The following LEPR variants were observed in gnomAD, a reference collection of about 807,000 sequenced individuals.
The protein encoded by LEPR is leptin receptor.
A neutral mutation model predicts 114.7 loss-of-function variants in LEPR; 56 were observed. The ratio of observed to expected loss-of-function variants is 0.49; its 90% CI spans 0.39 to 0.61. The LOEUF (loss-of-function observed/expected upper bound fraction) is 0.61, where lower values mean the gene tolerates loss of function less well. Among genes scored for constraint, LEPR ranks in the 20% least tolerant of loss-of-function variants. The pLI, the probability that LEPR is intolerant of heterozygous loss-of-function variation, is 0.00. For missense variants in LEPR, 1,202 were observed against 1,352.9 expected, an observed-to-expected ratio of 0.89 and a Z score of 1.75; for synonymous variants, 443 against 461.4, an observed-to-expected ratio of 0.96 and a Z score of 0.51.
rs1013193262 is a variant in LEPR at position 65,638,580 on chromosome 1, A to G, written c.*1565A>G. The G allele has an allele frequency of 6.6e-6, 1 of 152,210 alleles. No individual in the cohort carries two copies. Among genetic ancestry groups the G allele is most frequent in the Non-Finnish European group, 1.5e-5 (1 of 68,030 alleles). 9.4% of individuals were successfully genotyped at this position (152,210 alleles called of 1,614,324 possible). A position where few individuals can be genotyped will look rare whatever the true frequency, so the allele number is the denominator to read the frequency against. On this transcript the variant is annotated 3_prime_UTR_variant, in exon 20 of 20. Transcript: ENST00000349533. Reference sequence around the variant, plus strand: ...TTACTGTTATCCTAAATAAATCTCTACATTCCATCTCTAGTCCAGTTGTGG... The same window carrying G: ...TTACTGTTATCCTAAATAAATCTCTGCATTCCATCTCTAGTCCAGTTGTGG...
chr1:65,428,207 T>TTA (rs1159308157), intron 2 of LEPR, among the ~76,000 whole-genome samples: 1 of 152,206 alleles, frequency 6.6e-6, no homozygotes, highest in Non-Finnish European at 1.5e-5. Flanking sequence ...TATTTACATT[T>TTA]TATATATAAA....
At chr1:65,596,618 G>T (rs1656080873) in intron 7 of LEPR, 25 bp downstream of exon 7, 12 of 1,605,432 alleles carry the variant, frequency 7.5e-6, no homozygotes, top group Admixed American at 1.7e-5. Context: ...GTAAGTAAAA[G>T]GAAAAGTTGA....
At chr1:65,465,062 G>T (rs1263568907) in intron 2 of LEPR, among the ~76,000 whole-genome samples, 1 of 152,052 alleles carries the variant, frequency 6.6e-6, no homozygotes, top group African/African-American at 2.4e-5. Context: ...CTTGCCTTCT[G>T]CTAGCTTTTG....
At chr1:65,589,715 A>C (rs2100883800) in intron 5 of LEPR, among the ~76,000 whole-genome samples, 1 of 152,200 alleles carries the variant, frequency 6.6e-6, no homozygotes, top group Non-Finnish European at 1.5e-5. Context: ...GCCTTTGTAG[A>C]AAATCAGTTG....
At chr1:65,549,642 G>A (rs1406517246) in intron 2 of LEPR, among the ~76,000 whole-genome samples, 8 of 152,182 alleles carry the variant, frequency 5.3e-5, no homozygotes, top group East Asian at 1.9e-4. Flanking sequence ...CGTAGTTCTC[G>A]AGCCTTGGCT....
At chr1:65,525,433 C>T (rs1386661021) in intron 2 of LEPR, among the ~76,000 whole-genome samples, 1 of 152,124 alleles carries the variant, frequency 6.6e-6, no homozygotes, top group Non-Finnish European at 1.5e-5. Context: ...TCCTCCCTCC[C>T]CAGCGCCGGG....
intron 16 of LEPR, among the ~76,000 whole-genome samples, chr1:65,619,596 TG>T (rs1333993636): frequency 1.4e-4 from 21 of 152,182 alleles, no homozygotes; most frequent in Non-Finnish European, 2.4e-4. Flanking sequence ...TAGAACATAT[TG>T]CTCTGGAAAA....
rs1329717536 is a variant in LEPR, at chr1:65,638,821, C to G, written c.*1806C>G. 1 of 152,090 alleles carries G rather than the reference C, an allele frequency of 6.6e-6. No homozygotes were observed. Among genetic ancestry groups the G allele is most frequent in the African/African-American group, 2.4e-5 (1 of 41,408 alleles). The allele number at this position is 152,090 out of a possible 1,614,324, so 9.4% of individuals were successfully genotyped here. Reference sequence around the variant, plus strand: ...TAGCAACTCATTACTTGATGTGGTACGAGAGCCTTAGTTCTATGCAAAGAT... The same window carrying G: ...TAGCAACTCATTACTTGATGTGGTAGGAGAGCCTTAGTTCTATGCAAAGAT... On this transcript the variant is annotated 3_prime_UTR_variant, in exon 20 of 20. Coordinates refer to ENST00000349533, the MANE Select transcript of LEPR (RefSeq NM_002303.6).
At chr1:65,488,210 T>TTCTTTCTTTCTC (rs1557620199) in intron 2 of LEPR, among the ~76,000 whole-genome samples, 19 of 25,840 alleles carry the variant, frequency 7.4e-4, no homozygotes, top group Non-Finnish European at 1.3e-3. Context: ...CTTTCTTTCT[T>TTCTTTCTTTCTC]TCTCTCTCTC....
chr1:65,445,653 CA>C (rs1353002293), intron 2 of LEPR, among the ~76,000 whole-genome samples: 2 of 148,146 alleles, frequency 1.4e-5, no homozygotes, highest in African/African-American at 2.5e-5. Context: ...TTTTTTTAAA[CA>C]GCAAATCTTT....
intron 6 of LEPR, among the ~76,000 whole-genome samples, chr1:65,594,247 A>G (rs145931511): frequency 2.0e-5 from 3 of 152,194 alleles, no homozygotes; most frequent in African/African-American, 7.2e-5. Context: ...AGGAAGAACA[A>G]TATTCACAAA....
Position 65,601,911 on chromosome 1 carries a change from A to T in LEPR, c.1354A>T (p.Ser452Cys). The T allele has an allele frequency of 6.2e-7, 1 of 1,613,734 alleles. No homozygotes were observed. The highest frequency in any genetic ancestry group is 8.5e-7 in the Non-Finnish European group (1 of 1,179,686). Residue 452 changes from serine to cysteine, a missense_variant, in exon 10 of 20, where the codon AGT becomes TGT. By Grantham distance (112) the Ser-to-Cys change is moderately radical (BLOSUM62 -1). Transcript: ENST00000349533. ...LTKMTCRWST[S>C]TIQSLAESTL... ...TAAAATGACTTGCAGATGGTCAACC[A>T]GTACAATCCAGTCACTTGCGGAAAG...
chr1:65,518,913 CTTTCTCTCTTTCTCTG>C (rs1649460387), intron 2 of LEPR, among the ~76,000 whole-genome samples: 8 of 79,514 alleles, frequency 1.0e-4, no homozygotes, highest in South Asian at 3.5e-4. Flanking sequence ...TTCTTTCTTT[CTTTCTCTCTTTCTCTG>C]TTTCTTTCTT....
chr1:65,574,713 T>C (rs1327681586), intron 5 of LEPR, among the ~76,000 whole-genome samples: 1 of 152,254 alleles, frequency 6.6e-6, no homozygotes, highest in Non-Finnish European at 1.5e-5. Flanking sequence ...AAATGCTTTC[T>C]AAAATATTTT....
intron 1 of LEPR, among the ~76,000 whole-genome samples, chr1:65,424,290 C>G (rs955364638): frequency 6.6e-6 from 1 of 152,142 alleles, no homozygotes; most frequent in Non-Finnish European, 1.5e-5. Flanking sequence ...CAAATACTTG[C>G]AGTACTGTGG....
At chr1:65,457,195 A>G (rs1646888207) in intron 2 of LEPR, among the ~76,000 whole-genome samples, 1 of 152,226 alleles carries the variant, frequency 6.6e-6, no homozygotes, top group Non-Finnish European at 1.5e-5. Flanking sequence ...AGATATATAC[A>G]TAAGCATATA....
At chr1:65,531,520 CT>C (rs1004027021) in intron 2 of LEPR, among the ~76,000 whole-genome samples, 101 of 145,444 alleles carry the variant, frequency 6.9e-4, no homozygotes, top group Middle Eastern at 3.5e-3. Context: ...TTCTAATTAT[CT>C]TTTTTTTTTC....
intron 3 of LEPR, among the ~76,000 whole-genome samples, chr1:65,568,466 C>CT (rs1196900640): frequency 6.6e-6 from 1 of 150,786 alleles, no homozygotes; most frequent in African/African-American, 2.4e-5. Flanking sequence ...TGCTTTTATT[C>CT]TTTTTTATGG....
chr1:65,539,701 G>A lies in LEPR; in HGVS notation c.-20-25845G>A, dbSNP rs567887361. Among the ~76,000 whole-genome samples, 16 of 152,322 alleles carry A rather than the reference G, an allele frequency of 1.1e-4. No individual in the cohort carries two copies. The South Asian group carries it at 3.3e-3, about 32-fold the overall frequency. On this transcript the variant is annotated intron_variant, in intron 2 of 19. Coordinates refer to ENST00000349533, the MANE Select transcript of LEPR (RefSeq NM_002303.6). ...ACTTAATAAGCCCCTGTTTTCCCAA[G>A]CTTCCTGGCAGTCTGCCTGTAGAGT...
Sources: gnomAD v4.1 joint callset for allele counts (sites outside exome capture counted in the v4.1 genomes callset) on GRCh38, gnomAD v4.1.1 for gene constraint, MANE v1.5 for transcripts, NCBI Gene and HGNC (gene_info 2026-07-23, HGNC 2026-07-21) for gene names.